Variants in SGCZ observed in about 807,000 individuals in gnomAD.
The protein encoded by SGCZ is zeta-sarcoglycan.
Under a neutral mutation model 41.3 loss-of-function variants are expected in SGCZ, and 40 were observed. The ratio of observed to expected loss-of-function variants is 0.97; its 90% CI spans 0.75 to 1.26. The LOEUF (loss-of-function observed/expected upper bound fraction) is 1.26, where lower values mean the gene tolerates loss of function less well. SGCZ is among the 50% of genes most tolerant of loss of function. The pLI is 0.00. For synonymous variants in SGCZ, 206 were observed against 137.5 expected (o/e 1.50, Z -3.49); for missense variants, 552 against 369.8 (o/e 1.49, Z -4.04).
chr8:14,126,459 T>C (rs992886649), intron 5 of SGCZ, among the ~76,000 whole-genome samples: 1 of 102,248 alleles, frequency 9.8e-6, no homozygotes, highest in South Asian at 4.3e-4. Context: ...ATGGCTATTA[T>C]TAAAAAGTAA....
chr8:15,075,636 A>T (rs932126289), intron 1 of SGCZ, among the ~76,000 whole-genome samples: 1 of 152,174 alleles, frequency 6.6e-6, no homozygotes, highest in Non-Finnish European at 1.5e-5. Flanking sequence ...GTTCTATCAG[A>T]TCAGTTACTC....
intron 2 of SGCZ, among the ~76,000 whole-genome samples, chr8:14,462,859 T>C (rs1563345618): frequency 1.4e-5 from 2 of 147,208 alleles, no homozygotes; most frequent in South Asian, 2.1e-4. Flanking sequence ...GGGCATAGAA[T>C]GTCTTTTAAG....
At chr8:14,713,040 T>G (rs2130142661) in intron 1 of SGCZ, among the ~76,000 whole-genome samples, 1 of 152,266 alleles carries the variant, frequency 6.6e-6, no homozygotes, top group African/African-American at 2.4e-5. Context: ...TTGCTCATTT[T>G]TACTAAAAAG....
chr8:14,475,928 T>C (rs1173760111), intron 2 of SGCZ, among the ~76,000 whole-genome samples: 2 of 151,982 alleles, frequency 1.3e-5, no homozygotes, highest in Non-Finnish European at 2.9e-5. Context: ...CTCAAACTCC[T>C]GGACTCAAGA....
intron 2 of SGCZ, among the ~76,000 whole-genome samples, chr8:14,372,932 G>C (rs1023665253): frequency 6.6e-6 from 1 of 152,148 alleles, no homozygotes; most frequent in African/African-American, 2.4e-5. Flanking sequence ...AAAAGCCACT[G>C]TAAGATTTTG....
chr8:14,667,762 T>C (rs946409606), intron 1 of SGCZ, among the ~76,000 whole-genome samples: 4 of 152,154 alleles, frequency 2.6e-5, no homozygotes, highest in African/African-American at 7.2e-5. Flanking sequence ...GAATAAAACA[T>C]GGTCTCCGTA....
chr8:14,759,345 CA>C (rs5889548), intron 1 of SGCZ, among the ~76,000 whole-genome samples: 89,908 of 149,638 alleles, frequency 0.6, 27,005 homozygotes, highest in East Asian at 0.74. Flanking sequence ...TTAGCCTCAA[CA>C]AAAAAAAAAA....
intron 3 of SGCZ, among the ~76,000 whole-genome samples, chr8:14,250,988 G>T (rs929315467): frequency 2.0e-5 from 3 of 152,126 alleles, no homozygotes; most frequent in African/African-American, 7.2e-5. Flanking sequence ...AGCATTTTGG[G>T]AGGCTGAGGT....
intron 1 of SGCZ, among the ~76,000 whole-genome samples, chr8:14,787,612 C>G (rs1316659590): frequency 6.6e-6 from 1 of 151,950 alleles, no homozygotes; most frequent in African/African-American, 2.4e-5. Context: ...TTTGGGGGAC[C>G]AAAGTGGGCG....
intron 2 of SGCZ, among the ~76,000 whole-genome samples, chr8:14,490,133 TG>T (rs1801801766): frequency 6.6e-6 from 1 of 152,180 alleles, no homozygotes; most frequent in Non-Finnish European, 1.5e-5. Context: ...TCAAAAGTTC[TG>T]GGATTACAGG....
intron 2 of SGCZ, among the ~76,000 whole-genome samples, chr8:14,469,994 G>C (rs1431299618): frequency 1.3e-5 from 2 of 152,076 alleles, no homozygotes; most frequent in Non-Finnish European, 2.9e-5. Flanking sequence ...CCCAAAGATG[G>C]GTTGATGGGA....
intron 4 of SGCZ, among the ~76,000 whole-genome samples, chr8:14,232,685 C>A (rs969468903): frequency 2.0e-5 from 3 of 151,928 alleles, no homozygotes; most frequent in Non-Finnish European, 4.4e-5. Flanking sequence ...ATGTGCCATG[C>A]TGGTGTGCTG....
chr8:14,155,878 G>A (rs1803861653), intron 5 of SGCZ, among the ~76,000 whole-genome samples: 2 of 152,050 alleles, frequency 1.3e-5, no homozygotes, highest in South Asian at 2.1e-4. Context: ...ATAGCCTACT[G>A]CTCCTAAGCT....
chr8:14,879,065 CT>C (rs1207859791), intron 1 of SGCZ: 6 of 152,280 alleles, frequency 3.9e-5, no homozygotes, highest in African/African-American at 1.2e-4. Context: ...TGGCTCATGC[CT>C]GTAATTCCAA....
At chr8:15,050,516 C>G (rs1585512002) in intron 1 of SGCZ, among the ~76,000 whole-genome samples, 1 of 152,164 alleles carries the variant, frequency 6.6e-6, no homozygotes, top group African/African-American at 2.4e-5. Context: ...AAGAAGACAA[C>G]ATGTGACCCA....
chr8:14,625,744 G>GT lies in SGCZ; in HGVS notation c.40-70819dup, dbSNP rs1422852677. On this transcript the variant is annotated intron_variant, in intron 1 of 7. Coordinates refer to ENST00000382080, the MANE Select transcript of SGCZ (RefSeq NM_139167.4). ...GCACACCTGGCTAGAAGTGAACAGTGTAAGAATTCTCCCCCAAGTTTGAAT... is the reference window on the plus strand; with the variant it reads ...GCACACCTGGCTAGAAGTGAACAGTGTTAAGAATTCTCCCCCAAGTTTGAAT... 2.0e-5 allele frequency among the ~76,000 whole-genome samples: 3 copies of GT among 152,158 alleles called. No homozygotes were observed. The East Asian group carries it at 5.8e-4, about 29-fold the overall frequency.
At chr8:14,582,243 CA>C (rs1415645051) in intron 1 of SGCZ, among the ~76,000 whole-genome samples, 1 of 152,004 alleles carries the variant, frequency 6.6e-6, no homozygotes, top group East Asian at 1.9e-4. Context: ...ATAGTATCAA[CA>C]GTCAATTAAC....
At chr8:14,904,940 A>G (rs1263403593) in intron 1 of SGCZ, among the ~76,000 whole-genome samples, 4 of 151,908 alleles carry the variant, frequency 2.6e-5, no homozygotes, top group Admixed American at 6.6e-5. Flanking sequence ...ACTTTTATCA[A>G]TATGTATTCA....
chr8:14,860,080 A>C (rs930711098), intron 1 of SGCZ, among the ~76,000 whole-genome samples: 2 of 148,844 alleles, frequency 1.3e-5, no homozygotes, highest in Non-Finnish European at 3.0e-5. Flanking sequence ...ACTTTAAAGA[A>C]ACAGAAACTA....
Sources: gnomAD v4.1 joint callset for allele counts (sites outside exome capture counted in the v4.1 genomes callset) on GRCh38, gnomAD v4.1.1 for gene constraint, MANE v1.5 for transcripts, NCBI Gene and HGNC (gene_info 2026-07-23, HGNC 2026-07-21) for gene names.